OCA2: variants seen among roughly 807,000 people sequenced by gnomAD.
OCA2 encodes OCA2 melanosomal transmembrane protein, also known as P protein.
A neutral mutation model predicts 100.2 loss-of-function variants in OCA2; 77 were observed. The observed-to-expected ratio is 0.77, with a 90% CI of 0.64 to 0.93. The LOEUF (loss-of-function observed/expected upper bound fraction) is 0.93, where lower values mean the gene tolerates loss of function less well. Among genes scored for constraint, OCA2 ranks in the 40% least tolerant of loss-of-function variants. The pLI is 0.00. For missense variants in OCA2, 1,062 were observed against 1,089.1 expected (o/e 0.98, Z 0.35); for synonymous variants, 432 against 439.2 (o/e 0.98, Z 0.21).
intron 23 of OCA2, among the ~76,000 whole-genome samples, chr15:27,837,071 C>T (rs911871376): frequency 3.3e-5 from 5 of 152,194 alleles, no homozygotes; most frequent in Admixed American, 6.5e-5. Flanking sequence ...GTGTATCTTA[C>T]GTGGGTGGCA....
intron 17 of OCA2, among the ~76,000 whole-genome samples, chr15:27,953,565 C>A (rs1413014272): frequency 5.3e-5 from 8 of 152,230 alleles, no homozygotes; most frequent in African/African-American, 1.9e-4. Flanking sequence ...CAAACCTTCC[C>A]TGAGGTCGCA....
At chr15:27,968,085 T>C (rs1357560412) in intron 14 of OCA2, among the ~76,000 whole-genome samples, 1 of 152,180 alleles carries the variant, frequency 6.6e-6, no homozygotes, top group Non-Finnish European at 1.5e-5. Context: ...AGCAGCGTCA[T>C]TGGTTGGTTC....
intron 2 of OCA2, among the ~76,000 whole-genome samples, chr15:28,078,055 G>A (rs1474691793): frequency 6.6e-6 from 1 of 152,192 alleles, no homozygotes; most frequent in East Asian, 1.9e-4. Flanking sequence ...CTCCAGCCTG[G>A]GTGACAACGT....
At chr15:28,056,625 C>G (rs1184115346) in intron 2 of OCA2, among the ~76,000 whole-genome samples, 1 of 152,268 alleles carries the variant, frequency 6.6e-6, no homozygotes, top group Non-Finnish European at 1.5e-5. Flanking sequence ...AGGAAAGCAT[C>G]AGCAGTGGAC....
At chr15:27,746,881 G>C in the OCA2 span, among the ~76,000 whole-genome samples, 46 of 152,250 alleles carry the variant, frequency 3.0e-4, no homozygotes, top group African/African-American at 1.1e-3. Context: ...AGTCTGGTGG[G>C]ATCAGACCCT....
the OCA2 span, among the ~76,000 whole-genome samples, chr15:27,731,331 T>G: frequency 1.3e-5 from 2 of 152,226 alleles, no homozygotes; most frequent in Non-Finnish European, 2.9e-5. Context: ...GTGAGAAAAT[T>G]ACCTGTATAA....
intron 1 of OCA2, among the ~76,000 whole-genome samples, chr15:28,087,731 A>AGT: frequency 6.6e-6 from 1 of 152,316 alleles, no homozygotes; most frequent in South Asian, 2.1e-4. Context: ...TGGGTGACAG[A>AGT]GTGAGACCCT....
rs1372319564 is a variant in OCA2, at chr15:27,757,821, C to A, written c.2433-2349G>T. On this transcript the variant is annotated intron_variant, in intron 23 of 23. Coordinates refer to ENST00000354638, the MANE Select transcript of OCA2 (RefSeq NM_000275.3). ...GCTCCTCAAACCGGGACACCTGCCC[C>A]AAAGTGCATGTTGACTGGGATTACA... 2.0e-5 allele frequency among the ~76,000 whole-genome samples: 3 copies of A among 152,288 alleles called. No homozygotes were observed. The East Asian group carries it at 5.8e-4, about 29-fold the overall frequency.
chr15:27,953,355 C>A (rs1226091383), intron 17 of OCA2, among the ~76,000 whole-genome samples: 1 of 152,208 alleles, frequency 6.6e-6, no homozygotes, highest in African/African-American at 2.4e-5. Flanking sequence ...TGGTGAGCAT[C>A]TGCCCCTCCC....
chr15:27,799,888 T>C (rs988027300), intron 23 of OCA2, among the ~76,000 whole-genome samples: 15 of 151,428 alleles, frequency 9.9e-5, no homozygotes, highest in African/African-American at 3.6e-4. Context: ...GCTCAAAAAG[T>C]GGTAAAAAGG....
intron 18 of OCA2, among the ~76,000 whole-genome samples, chr15:27,951,091 G>A (rs1018105858): frequency 1.3e-5 from 2 of 152,122 alleles, no homozygotes; most frequent in African/African-American, 2.4e-5. Flanking sequence ...GATAAGAAAC[G>A]CCTGGGAGAG....
At chr15:27,756,303 A>G (rs140878883) in intron 23 of OCA2, among the ~76,000 whole-genome samples, 3 of 152,376 alleles carry the variant, frequency 2.0e-5, no homozygotes, top group Admixed American at 6.5e-5. Context: ...TTCCCTGGCC[A>G]TAAGTGTAGG....
intron 23 of OCA2, among the ~76,000 whole-genome samples, chr15:27,777,276 A>G (rs1341331273): frequency 6.6e-6 from 1 of 152,136 alleles, no homozygotes; most frequent in Non-Finnish European, 1.5e-5. Context: ...TTCTTAAAAC[A>G]GGTTATACTT....
chr15:27,904,941 A>G (rs2038113139), intron 19 of OCA2, among the ~76,000 whole-genome samples: 1 of 152,196 alleles, frequency 6.6e-6, no homozygotes, highest in South Asian at 2.1e-4. Context: ...AGGCAGGCGG[A>G]TCACCTGAGG....
At chr15:27,864,682 C>G (rs1338589123) in intron 21 of OCA2, among the ~76,000 whole-genome samples, 1 of 152,142 alleles carries the variant, frequency 6.6e-6, no homozygotes, top group African/African-American at 2.4e-5. Flanking sequence ...AGGAAACCCA[C>G]AGATTTATGT....
At chr15:27,889,029 A>T (rs1360533512) in intron 19 of OCA2, among the ~76,000 whole-genome samples, 1 of 152,192 alleles carries the variant, frequency 6.6e-6, no homozygotes, top group Non-Finnish European at 1.5e-5. Context: ...GACATCAAGG[A>T]AGGCTTCCTA....
At chr15:27,952,764 C>T (rs952089956) in intron 17 of OCA2, among the ~76,000 whole-genome samples, 4 of 152,084 alleles carry the variant, frequency 2.6e-5, no homozygotes, top group African/African-American at 4.8e-5. Flanking sequence ...ACGCAACCTC[C>T]GCCTCCCAGG....
In OCA2 at chr15:27,845,048, G is replaced by A. The variant is rs756366839; in HGVS notation, c.2343C>T (p.Asn781=). The A allele has an allele frequency of 9.3e-6, 15 of 1,612,704 alleles. No individual in the cohort carries two copies. In the Admixed American group the frequency reaches 1.0e-4, roughly 11 times the overall value. The change falls in exon 23 of 24, where the codon AAC becomes AAT. Residue 781 remains asparagine (N), a synonymous_variant. Transcript: ENST00000354638. The stretch of plus-strand genomic sequence containing the variant: ...TTGCCGACGCGCCAATCAGTGTCCC[G>A]TTACCTAAAGTCAAAATTTAAAAAC... ...ALAFGACLGG[N]GTLIGASANV... is the part of the protein sequence containing the mutation.
chr15:28,024,198 C>T (rs984703764), intron 5 of OCA2, among the ~76,000 whole-genome samples: 1 of 152,172 alleles, frequency 6.6e-6, no homozygotes, highest in African/African-American at 2.4e-5. Flanking sequence ...TAGGACCCCT[C>T]CAATGAAGAA....
Sources: gnomAD v4.1 joint callset for allele counts (sites outside exome capture counted in the v4.1 genomes callset) on GRCh38, gnomAD v4.1.1 for gene constraint, MANE v1.5 for transcripts, NCBI Gene and HGNC (gene_info 2026-07-23, HGNC 2026-07-21) for gene names.